KLRB1: variants seen among roughly 807,000 people sequenced by gnomAD.
The protein encoded by KLRB1 is killer cell lectin like receptor B1.
A neutral mutation model predicts 33.5 loss-of-function variants in KLRB1; 27 were observed. The observed-to-expected ratio is 0.81, with a 90% CI of 0.59 to 1.11. KLRB1 has a LOEUF of 1.11. Ranked by LOEUF, KLRB1 falls within the 50% of genes most tolerant of loss-of-function variation. The probability of loss-of-function intolerance (pLI) is 0.00; values close to 1 mark genes in which losing one functional copy is unlikely to be tolerated. For synonymous variants in KLRB1, 64 were observed against 88.9 expected (o/e 0.72, Z 1.58); for missense variants, 241 against 254.1 (o/e 0.95, Z 0.35).
At chr12:9,596,767 C>T (rs1052411659) in intron 5 of KLRB1, among the ~76,000 whole-genome samples, 1 of 152,028 alleles carries the variant, frequency 6.6e-6, no homozygotes. Context: ...TGCATTATGA[C>T]CCCATTAAGA....
intron 1 of KLRB1, among the ~76,000 whole-genome samples, chr12:9,606,746 ATATATATATATATATTT>A (rs1864607808): frequency 3.9e-5 from 1 of 25,920 alleles, no homozygotes; most frequent in African/African-American, 1.7e-4. Context: ...ATATATATAT[ATATATATATATATATTT>A]TTTTTTTTTT....
In KLRB1 at chr12:9,595,409, T is replaced by C; in HGVS notation, c.543A>G (p.Arg181=). The C allele has an allele frequency of 6.2e-7, 1 of 1,612,338 alleles. No homozygotes were observed. The highest frequency in any genetic ancestry group is 8.5e-7 in the Non-Finnish European group (1 of 1,179,482). Residue 181 remains arginine (R), a synonymous_variant, in exon 6 of 6, where the codon AGA becomes AGG. Transcript: ENST00000229402. The part of the protein sequence containing the change: ...SFLNSNDLEI[R]GDAKENSCIS... ...TACAGCTGTTTTCTTTAGCATCACC[T>C]CTAATTTCTAAGCTGTGGAGCAAAA... is the stretch of plus-strand genomic sequence containing the variant.
intron 1 of KLRB1, among the ~76,000 whole-genome samples, chr12:9,605,062 C>T (rs1864584949): frequency 6.6e-6 from 1 of 152,074 alleles, no homozygotes; most frequent in Non-Finnish European, 1.5e-5. Context: ...TTGTTCAATT[C>T]CCACTATGAG....
intron 1 of KLRB1, among the ~76,000 whole-genome samples, chr12:9,607,365 T>TTTCTTTCTTTCTTTCC (rs1456447945): frequency 1.2e-5 from 1 of 83,062 alleles, no homozygotes; most frequent in African/African-American, 3.7e-5. Flanking sequence ...CCTTTCTTTC[T>TTTCTTTCTTTCTTTCC]TTCTTTCTTT....
In KLRB1 at chr12:9,598,558, G is replaced by A. The variant is rs777690519; in HGVS notation, c.355C>T (p.Leu119=). 7 of 1,613,128 alleles carry A rather than the reference G, an allele frequency of 4.3e-6. No individual in the cohort carries two copies. The highest frequency in any genetic ancestry group is 5.1e-6 in the Non-Finnish European group (6 of 1,179,280). Residue 119 remains leucine (L), a synonymous_variant, in exon 4 of 6, where the codon CTA becomes TTA. Coordinates refer to ENST00000229402, the MANE Select transcript of KLRB1 (RefSeq NM_002258.3). ...SHTVNPWNNS[L]ADCSTKESSL... ...GATTCTTTGGTGGAACAATCAGCTA[G>A]ACTGTTATTCCAAGGGTTGACAGTG...
In KLRB1 at chr12:9,601,337, C is replaced by T. The variant is rs776541143; in HGVS notation, c.184+164G>A. ...GTTCCCCGGGTCCCCTTATTTCTTT[C>T]TCTATACTTTGTCTCTGTGTCTTTT... On this transcript the variant is annotated intron_variant, in intron 2 of 5. Coordinates refer to ENST00000229402, the MANE Select transcript of KLRB1 (RefSeq NM_002258.3). 4.0e-5 allele frequency among the ~76,000 whole-genome samples: 6 copies of T among 151,766 alleles called. No individual in the cohort carries two copies. In the East Asian group the frequency reaches 1.2e-3, roughly 29 times the overall value.
intron 1 of KLRB1, among the ~76,000 whole-genome samples, chr12:9,605,569 A>G (rs1440101459): frequency 6.6e-6 from 1 of 152,208 alleles, no homozygotes; most frequent in Non-Finnish European, 1.5e-5. Context: ...TTTTGCAAAC[A>G]CCTTATCCAC....
chr12:9,607,332 T>TCTTTCTTCCTTCCTTTCTTTC (rs1264714647), intron 1 of KLRB1, among the ~76,000 whole-genome samples: 7 of 58,692 alleles, frequency 1.2e-4, no homozygotes, highest in South Asian at 8.9e-4. Flanking sequence ...TTTCTCTTTC[T>TCTTTCTTCCTTCCTTTCTTTC]TTCCTTTCTT....
At chr12:9,606,750 A>AT (rs1864608265) in intron 1 of KLRB1, among the ~76,000 whole-genome samples, 1 of 28,970 alleles carries the variant, frequency 3.5e-5, no homozygotes, top group African/African-American at 1.4e-4. Flanking sequence ...ATATATATAT[A>AT]TATATATATA....
chr12:9,599,889 G>T, intron 2 of KLRB1, 48 bp from the exon 3 acceptor site: 2 of 1,000,004 alleles, frequency 2.0e-6, no homozygotes, highest in Non-Finnish European at 1.6e-6. Flanking sequence ...AATGTGTGGT[G>T]GAGTGGATAT....
Position 9,607,821 on chromosome 12 carries a change from A to G in KLRB1, c.19T>C (p.Tyr7His). 6.2e-7 allele frequency: 1 copy of G among 1,613,246 alleles called. No homozygotes were observed. The highest frequency in any genetic ancestry group is 8.5e-7 in the Non-Finnish European group (1 of 1,179,288). The change falls in exon 1 of 6, where the codon TAT (tyrosine) becomes CAT (histidine). Residue 7 changes from tyrosine (Y) to histidine (H), a missense_variant. Tyr to His is a moderately conservative substitution (Grantham distance 83, BLOSUM62 2). Transcript: ENST00000229402. MDQQAI[Y>H]AELNLPTDSG... ...TCTGTGGGTAAGTTTAACTCAGCAT[A>G]TATTGCTTGTTGGTCCATGGCAGAC...
At chr12:9,599,627 T>G in intron 3 of KLRB1, 140 bp downstream of exon 3, 1 of 681,522 alleles carries the variant, frequency 1.5e-6, no homozygotes, top group Non-Finnish European at 2.6e-6. Flanking sequence ...AATCTTTTTA[T>G]GTCTCAATTT....
At chr12:9,602,607 A>G (rs1864557739) in intron 1 of KLRB1, among the ~76,000 whole-genome samples, 1 of 151,866 alleles carries the variant, frequency 6.6e-6, no homozygotes, top group Non-Finnish European at 1.5e-5. Context: ...GGTTTTTAAC[A>G]TATTAGATAT....
chr12:9,604,417 A>G (rs899058239), intron 1 of KLRB1, among the ~76,000 whole-genome samples: 5 of 151,880 alleles, frequency 3.3e-5, no homozygotes, highest in African/African-American at 1.2e-4. Context: ...GGTTTTGTTG[A>G]CTGCCTTAGA....
rs1555097515 is a variant in KLRB1, at chr12:9,606,663, T to TATAA, written c.85+1091_85+1092insTTAT. ...AGCCTACACTTTATATATATATATATAAAATATATAAAATATATGTATAAA... is the reference window on the plus strand; with the variant it reads ...AGCCTACACTTTATATATATATATATATAAAAAATATATAAAATATATGTATAAA... On this transcript the variant is annotated intron_variant, in intron 1 of 5. Coordinates refer to ENST00000229402, the MANE Select transcript of KLRB1 (RefSeq NM_002258.3). Among the ~76,000 whole-genome samples, 186 of 93,564 alleles carry TATAA rather than the reference T, an allele frequency of 2.0e-3. 10 individuals are homozygous for TATAA. Among genetic ancestry groups the TATAA allele is most frequent in the African/African-American group, 0.012 (166 of 14,274 alleles). 61.4% of individuals were successfully genotyped at this position (93,564 alleles called of 152,430 possible). A position where few individuals can be genotyped will look rare whatever the true frequency, so the allele number is the denominator to read the frequency against.
At chr12:9,607,339 T>TCTTC (rs1864623096) in intron 1 of KLRB1, among the ~76,000 whole-genome samples, 12 of 61,218 alleles carry the variant, frequency 2.0e-4, no homozygotes, top group Non-Finnish European at 4.1e-4. Flanking sequence ...TTCTTTCCTT[T>TCTTC]CTTTCTTTCT....
At chr12:9,597,007 T>C (rs1313380402) in intron 5 of KLRB1, among the ~76,000 whole-genome samples, 1 of 152,192 alleles carries the variant, frequency 6.6e-6, no homozygotes, top group Non-Finnish European at 1.5e-5. Context: ...ATCATCTTTA[T>C]TTTAAAATCT....
chr12:9,599,545 A>G (rs1274446676), intron 3 of KLRB1, among the ~76,000 whole-genome samples: 1 of 152,242 alleles, frequency 6.6e-6, no homozygotes, highest in Non-Finnish European at 1.5e-5. Flanking sequence ...CCTTAGGCTC[A>G]TAAGTCAGAC....
intron 1 of KLRB1, among the ~76,000 whole-genome samples, chr12:9,604,129 T>G (rs925005609): frequency 5.9e-5 from 9 of 152,096 alleles, no homozygotes; most frequent in Non-Finnish European, 1.5e-5. Context: ...CTGGGAGGAA[T>G]GTACTCCTGT....
Sources: allele counts gnomAD v4.1 joint callset (sites outside exome capture counted in the v4.1 genomes callset), GRCh38; gene constraint gnomAD v4.1.1; transcripts MANE v1.5; gene names NCBI Gene and HGNC (gene_info 2026-07-23, HGNC 2026-07-21).